Variants in SLC5A10 observed in about 807,000 individuals in gnomAD.
SLC5A10 encodes solute carrier family 5 member 10, also known as sodium/mannose cotransporter SLC5A10.
SLC5A10 carries 55 observed loss-of-function variants against 68.9 expected under a neutral mutation model. That is an observed-to-expected ratio of 0.80 (90% CI 0.64 to 1.00). The LOEUF is 1.00. Among genes scored for constraint, SLC5A10 ranks in the 50% least tolerant of loss-of-function variants. The pLI, the probability that SLC5A10 is intolerant of heterozygous loss-of-function variation, is 0.00. For missense variants in SLC5A10, 732 were observed against 819.3 expected, an observed-to-expected ratio of 0.89 and a Z score of 1.30; for synonymous variants, 344 against 344.8, an observed-to-expected ratio of 1.00 and a Z score of 0.02.
At position 18,968,250 on chromosome 17, in the gene SLC5A10, C is replaced by T. The variant is rs538083877; in HGVS notation, c.454-802C>T. On this transcript the variant is annotated intron_variant, in intron 5 of 14. Transcript: ENST00000395645. The surrounding 1 kb of genome is among the most constrained non-coding windows in gnomAD (Gnocchi z 4.1). Reference sequence around the variant, plus strand: ...CCTGAGGCTGTGTGTTGGGTCATCTCGCATCTCCTGAGTCAAAGCAGAATG... The same window carrying T: ...CCTGAGGCTGTGTGTTGGGTCATCTTGCATCTCCTGAGTCAAAGCAGAATG... 1.2e-4 allele frequency among the ~76,000 whole-genome samples: 19 copies of T among 152,348 alleles called. No homozygotes were observed. Among genetic ancestry groups the T allele is most frequent in the Admixed American group, 6.5e-4 (10 of 15,304 alleles).
chr17:18,988,899 G>T (rs939683525), intron 9 of SLC5A10, among the ~76,000 whole-genome samples: 1 of 152,220 alleles, frequency 6.6e-6, no homozygotes, highest in African/African-American at 2.4e-5. Flanking sequence ...GGCCCCAGTG[G>T]TCAGGGCCTT....
chr17:19,015,831 C>T (rs2044127821), intron 11 of SLC5A10, among the ~76,000 whole-genome samples: 1 of 152,188 alleles, frequency 6.6e-6, no homozygotes, highest in African/African-American at 2.4e-5. Flanking sequence ...AAGAGACCTC[C>T]CCGACACCCT....
At chr17:18,957,228 T>C (rs1244550544) in intron 1 of SLC5A10, among the ~76,000 whole-genome samples, 1 of 152,060 alleles carries the variant, frequency 6.6e-6, no homozygotes, top group Non-Finnish European at 1.5e-5. Flanking sequence ...GGCATACGCG[T>C]TCAGTAACTT....
At chr17:18,959,086 G>A in intron 2 of SLC5A10, 49 bp from the exon 3 acceptor site, 1 of 1,565,374 alleles carries the variant, frequency 6.4e-7, no homozygotes, top group African/African-American at 1.4e-5. Context: ...CCAGGATGGG[G>A]CCGGCGCAGG....
chr17:18,977,346 T>G, intron 9 of SLC5A10: 1 of 585,092 alleles, frequency 1.7e-6, no homozygotes, highest in Non-Finnish European at 3.0e-6. Flanking sequence ...AAACGTGCAT[T>G]TTCTTAGGTT....
intron 1 of SLC5A10, 108 bp from the exon 2 acceptor site, chr17:18,958,574 T>C (rs2042548633): frequency 3.5e-6 from 3 of 847,036 alleles, no homozygotes; most frequent in Non-Finnish European, 5.8e-6. Context: ...CTGGGTCATA[T>C]GGTGATTCTA....
intron 9 of SLC5A10, among the ~76,000 whole-genome samples, chr17:19,005,107 G>C (rs74916426): frequency 6.6e-6 from 1 of 152,214 alleles, no homozygotes; most frequent in Non-Finnish European, 1.5e-5. Flanking sequence ...GTGGCGGGAA[G>C]TCCGTGCGGC....
Position 18,968,869 on chromosome 17 carries a change from C to G in SLC5A10, c.454-183C>G, listed in dbSNP as rs571458369. The G allele has an allele frequency of 5.0e-6, 3 of 595,992 alleles. No homozygotes were observed. The highest frequency in any genetic ancestry group is 3.0e-5 in the Admixed American group (1 of 32,850). The allele number at this position is 595,992 out of a possible 1,614,324, so 36.9% of individuals were successfully genotyped here. On this transcript the variant is annotated intron_variant, in intron 5 of 14. Coordinates refer to ENST00000395645, the MANE Select transcript of SLC5A10 (RefSeq NM_001042450.4). The surrounding 1 kb of genome is among the most constrained non-coding windows in gnomAD (Gnocchi z 4.1). ...ACATCCGCACAAGCTTGTAGCTCCA[C>G]GGCCAGGTCTTCCCCCAACCTCACA...
chr17:18,958,450 G>A (rs2042545959), intron 1 of SLC5A10, among the ~76,000 whole-genome samples: 1 of 152,170 alleles, frequency 6.6e-6, no homozygotes, highest in South Asian at 2.1e-4. Flanking sequence ...CAGAAATGTG[G>A]GTTGTTTTCA....
At chr17:18,978,121 T>C in intron 9 of SLC5A10, 1 of 1,518,462 alleles carries the variant, frequency 6.6e-7, no homozygotes. Flanking sequence ...CCCGGGCTAG[T>C]ACATCTGCCA....
At chr17:18,972,124 C>T (rs2042871194) in intron 8 of SLC5A10, among the ~76,000 whole-genome samples, 1 of 152,206 alleles carries the variant, frequency 6.6e-6, no homozygotes, top group Non-Finnish European at 1.5e-5. Context: ...ACCCTGTCAC[C>T]AGCCCTCCAG....
chr17:18,962,002 G>A (rs1312167205), intron 5 of SLC5A10, among the ~76,000 whole-genome samples: 3 of 152,204 alleles, frequency 2.0e-5, no homozygotes, highest in East Asian at 1.9e-4. Context: ...TTTAGAGTCC[G>A]GAGGGACTTG....
At chr17:18,953,694 T>A (rs752591242) in intron 1 of SLC5A10, 1 of 152,584 alleles carries the variant, frequency 6.6e-6, no homozygotes, top group Non-Finnish European at 1.5e-5. Context: ...GCCGCAGTCA[T>A]TAAAATTAAT....
intron 9 of SLC5A10, among the ~76,000 whole-genome samples, chr17:18,987,326 C>A (rs2043295214): frequency 6.6e-6 from 1 of 152,226 alleles, no homozygotes; most frequent in South Asian, 2.1e-4. Flanking sequence ...AACTCCCTAT[C>A]CCACTAGGCT....
intron 9 of SLC5A10, among the ~76,000 whole-genome samples, chr17:19,011,690 A>G (rs2044017369): frequency 6.6e-6 from 1 of 151,684 alleles, no homozygotes; most frequent in African/African-American, 2.4e-5. Context: ...GGAGCCAGGG[A>G]GGTGCCTGGG....
chr17:18,967,741 TG>T (rs1255423882), intron 5 of SLC5A10, among the ~76,000 whole-genome samples: 2 of 152,308 alleles, frequency 1.3e-5, no homozygotes, highest in South Asian at 4.1e-4. Flanking sequence ...GGGCTGACTT[TG>T]GGGAAGTCCT....
chr17:18,952,411 T>G (rs982764868), intron 1 of SLC5A10, 95 bp downstream of exon 1: 3 of 1,448,104 alleles, frequency 2.1e-6, no homozygotes, highest in South Asian at 2.6e-5. Context: ...GGTGTCAGCA[T>G]TGGTCCCAGC....
chr17:18,960,066 G>T (rs558108584), intron 4 of SLC5A10, among the ~76,000 whole-genome samples: 3 of 152,070 alleles, frequency 2.0e-5, no homozygotes, highest in Non-Finnish European at 2.9e-5. Context: ...CACCTGGGCC[G>T]CACAATTGGC....
chr17:18,954,657 C>CG (rs1163164631), intron 1 of SLC5A10, among the ~76,000 whole-genome samples: 3 of 152,030 alleles, frequency 2.0e-5, no homozygotes, highest in Non-Finnish European at 2.9e-5. Flanking sequence ...TGGCGGGGGC[C>CG]GGGGGGAGGC....
Sources: allele counts gnomAD v4.1 joint callset (sites outside exome capture counted in the v4.1 genomes callset), GRCh38; gene constraint gnomAD v4.1.1; non-coding constraint Gnocchi (gnomAD v3.1); transcripts MANE v1.5; gene names NCBI Gene and HGNC (gene_info 2026-07-23, HGNC 2026-07-21).